The following ATP8A2 variants were observed in gnomAD, a reference collection of about 807,000 sequenced individuals.
ATP8A2 encodes ATPase phospholipid transporting 8A2.
In ATP8A2, 100 loss-of-function variants were observed where a neutral mutation model predicts 165.6. The observed-to-expected ratio is 0.60, with a 90% CI of 0.51 to 0.71. The LOEUF (loss-of-function observed/expected upper bound fraction) is 0.71, where lower values mean the gene tolerates loss of function less well. ATP8A2 is among the 30% of genes least tolerant of loss of function. ATP8A2 has a pLI of 0.00. For missense variants in ATP8A2, 1,227 were observed against 1,479.5 expected (o/e 0.83, Z 2.80); for synonymous variants, 543 against 548.8 (o/e 0.99, Z 0.15).
At chr13:25,534,025 T>C (rs933185731) in intron 6 of ATP8A2, among the ~76,000 whole-genome samples, 1 of 152,252 alleles carries the variant, frequency 6.6e-6, no homozygotes, top group African/African-American at 2.4e-5. Flanking sequence ...AAACAGCTTT[T>C]TAGAAGGGTA....
At chr13:25,877,222 T>C (rs892017597) in intron 33 of ATP8A2, among the ~76,000 whole-genome samples, 1 of 152,212 alleles carries the variant, frequency 6.6e-6, no homozygotes, top group African/African-American at 2.4e-5. Flanking sequence ...TAGGCCACTT[T>C]CTCCCCCAAA....
intron 2 of ATP8A2, among the ~76,000 whole-genome samples, chr13:25,481,170 G>GGGGAGA (rs1253699810): frequency 1.4e-5 from 2 of 147,108 alleles, no homozygotes; most frequent in Non-Finnish European, 3.0e-5. Flanking sequence ...GGGAGACCGT[G>GGGGAGA]GGGAGAGGGA....
chr13:25,541,855 G>C, intron 8 of ATP8A2, 64 bp from the exon 9 acceptor site: 1 of 1,579,152 alleles, frequency 6.3e-7, no homozygotes, highest in Admixed American at 1.7e-5. Context: ...CCATAGGGAT[G>C]CTGAATGGTG....
At chr13:25,644,978 TTTTG>T (rs1275790518) in intron 24 of ATP8A2, among the ~76,000 whole-genome samples, 1 of 152,202 alleles carries the variant, frequency 6.6e-6, no homozygotes, top group Non-Finnish European at 1.5e-5. Context: ...GGTTTGTCAA[TTTTG>T]TTTGTCTTTT....
At chr13:25,508,874 TG>T (rs2037133465) in intron 2 of ATP8A2, among the ~76,000 whole-genome samples, 1 of 152,234 alleles carries the variant, frequency 6.6e-6, no homozygotes, top group African/African-American at 2.4e-5. Flanking sequence ...GAGCCTTGCT[TG>T]GGGTAAGAAC....
chr13:25,964,670 C>A (rs1171256428), intron 34 of ATP8A2, among the ~76,000 whole-genome samples: 1 of 152,214 alleles, frequency 6.6e-6, no homozygotes, highest in African/African-American at 2.4e-5. Context: ...ATCTGTGATG[C>A]ACCTTGGGGT....
At position 25,579,922 on chromosome 13, in the gene ATP8A2, AAG is replaced by A; in HGVS notation, c.1985_1986del (p.Glu662ValfsTer6). On this transcript the variant is annotated frameshift_variant, in exon 22 of 37. Coordinates refer to ENST00000381655, the MANE Select transcript of ATP8A2 (RefSeq NM_016529.6). LOFTEE classifies it high-confidence loss of function. Reference sequence around the variant, plus strand: ...TTGAAGGACAGAGCTCAACGGTTGGAAGAGTGTTACGAGATCATTGAGAAGGT... The same window carrying A: ...TTGAAGGACAGAGCTCAACGGTTGGAAGTGTTACGAGATCATTGAGAAGGT... 4 of 1,614,036 alleles carry A rather than the reference AAG, an allele frequency of 2.5e-6. No individual in the cohort carries two copies. Among genetic ancestry groups the A allele is most frequent in the Non-Finnish European group, 3.4e-6 (4 of 1,179,968 alleles).
At chr13:25,732,598 G>A (rs943368754) in intron 25 of ATP8A2, among the ~76,000 whole-genome samples, 1 of 152,206 alleles carries the variant, frequency 6.6e-6, no homozygotes, top group African/African-American at 2.4e-5. Flanking sequence ...CTGTGGGATT[G>A]TATTTCACCA....
chr13:25,838,863 C>G (rs1265153719), intron 29 of ATP8A2, among the ~76,000 whole-genome samples: 1 of 152,132 alleles, frequency 6.6e-6, no homozygotes, highest in African/African-American at 2.4e-5. Flanking sequence ...GTTAATAACT[C>G]TGTCATCACG....
At chr13:25,787,682 A>T (rs983127244) in intron 27 of ATP8A2, among the ~76,000 whole-genome samples, 4 of 152,228 alleles carry the variant, frequency 2.6e-5, no homozygotes, top group African/African-American at 9.6e-5. Context: ...AACTTGGCCC[A>T]GGGGCCTCTG....
chr13:25,860,355 T>C, intron 31 of ATP8A2, 99 bp downstream of exon 31: 1 of 638,202 alleles, frequency 1.6e-6, no homozygotes, highest in East Asian at 2.8e-5. Context: ...TATTATTATT[T>C]ATTTCAAATC....
intron 24 of ATP8A2, among the ~76,000 whole-genome samples, chr13:25,694,521 C>T (rs1392905387): frequency 6.6e-6 from 1 of 152,188 alleles, no homozygotes; most frequent in African/African-American, 2.4e-5. Context: ...TCCTGGTGAA[C>T]ACACCCAGGC....
intron 24 of ATP8A2, among the ~76,000 whole-genome samples, chr13:25,622,205 C>CAAACAA (rs375730317): frequency 8.0e-6 from 1 of 124,912 alleles, no homozygotes; most frequent in Non-Finnish European, 1.7e-5. Context: ...GACTCTGTCT[C>CAAACAA]AAAAAAAAAA....
chr13:25,472,404 A>T (rs2035870936), intron 2 of ATP8A2, among the ~76,000 whole-genome samples: 1 of 149,852 alleles, frequency 6.7e-6, no homozygotes, highest in African/African-American at 2.5e-5. Flanking sequence ...AAAAAAAAAA[A>T]AAAAAAATTG....
At chr13:25,963,161 C>T (rs1955695722) in intron 34 of ATP8A2, among the ~76,000 whole-genome samples, 1 of 151,900 alleles carries the variant, frequency 6.6e-6, no homozygotes, top group South Asian at 2.1e-4. Flanking sequence ...TTTGGGAGGC[C>T]GAGGTGGGTG....
At chr13:25,751,662 T>C (rs551300410) in intron 25 of ATP8A2, among the ~76,000 whole-genome samples, 203 of 152,174 alleles carry the variant, frequency 1.3e-3, no homozygotes, top group African/African-American at 4.6e-3. Flanking sequence ...TCTTGAACTT[T>C]TGGGCTCAAG....
intron 25 of ATP8A2, among the ~76,000 whole-genome samples, chr13:25,731,771 G>A (rs754271846): frequency 5.9e-5 from 9 of 152,300 alleles, no homozygotes; most frequent in South Asian, 4.1e-4. Context: ...ATGAGGTGAC[G>A]AATACAAATG....
chr13:25,728,362 A>C (rs774872089), intron 25 of ATP8A2, among the ~76,000 whole-genome samples: 1 of 152,184 alleles, frequency 6.6e-6, no homozygotes, highest in Admixed American at 6.5e-5. Context: ...GGAGAAGTCT[A>C]TGCAAAAGTA....
chr13:25,513,839 C>G (rs950633652), intron 2 of ATP8A2, among the ~76,000 whole-genome samples: 1 of 152,192 alleles, frequency 6.6e-6, no homozygotes, highest in African/African-American at 2.4e-5. Context: ...CGCCTGCAAT[C>G]GCAGGCACTT....
Sources: allele counts gnomAD v4.1 joint callset (sites outside exome capture counted in the v4.1 genomes callset), GRCh38; gene constraint gnomAD v4.1.1; transcripts MANE v1.5; gene names NCBI Gene and HGNC (gene_info 2026-07-23, HGNC 2026-07-21).